The following FAM53A variants were observed in gnomAD, a reference collection of about 807,000 sequenced individuals.
FAM53A encodes the protein protein FAM53A.
A neutral mutation model predicts 26.6 loss-of-function variants in FAM53A; 28 were observed. The ratio of observed to expected loss-of-function variants is 1.05; its 90% confidence interval spans 0.78 to 1.45. FAM53A has a LOEUF of 1.45. Ranked by LOEUF, FAM53A falls within the 40% of genes most tolerant of loss-of-function variation. The probability of loss-of-function intolerance (pLI) is 0.00; values close to 1 mark genes in which losing one functional copy is unlikely to be tolerated. For synonymous variants in FAM53A, 290 were observed against 253.1 expected (o/e 1.15, Z -1.38); for missense variants, 650 against 575.8 (o/e 1.13, Z -1.32).
At chr4:1,582,986 T>C in the FAM53A span, among the ~76,000 whole-genome samples, 1 of 152,242 alleles carries the variant, frequency 6.6e-6, no homozygotes, top group Admixed American at 6.5e-5. Flanking sequence ...GACTCTTTCT[T>C]GGTCATGAGA....
chr4:1,657,730 C>T (rs1167653927), intron 2 of FAM53A, among the ~76,000 whole-genome samples: 4 of 152,096 alleles, frequency 2.6e-5, no homozygotes, highest in South Asian at 4.1e-4. Flanking sequence ...CTCCGCCTCT[C>T]GGGTTCACGC....
intron 2 of FAM53A, among the ~76,000 whole-genome samples, chr4:1,667,616 C>G (rs558473066): frequency 6.6e-6 from 1 of 152,332 alleles, no homozygotes; most frequent in Admixed American, 6.5e-5. Flanking sequence ...CCCTCAGACC[C>G]TCACTGGAAC....
At chr4:1,650,578 C>A (rs1482171410) in intron 4 of FAM53A, among the ~76,000 whole-genome samples, 2 of 152,094 alleles carry the variant, frequency 1.3e-5, no homozygotes, top group Non-Finnish European at 2.9e-5. Flanking sequence ...TTCACCGCAA[C>A]CTCCGCCTCC....
At chr4:1,621,195 C>T (rs1715016863) in intron 1 of FAM53A, among the ~76,000 whole-genome samples, 1 of 150,700 alleles carries the variant, frequency 6.6e-6, no homozygotes, top group Non-Finnish European at 1.5e-5. Context: ...CTCCGCCCCC[C>T]AGGGTTCATG....
intron 2 of FAM53A, among the ~76,000 whole-genome samples, chr4:1,658,467 C>T (rs928282850): frequency 2.6e-5 from 4 of 152,252 alleles, no homozygotes; most frequent in African/African-American, 9.6e-5. Context: ...AGCCAAGACC[C>T]AAGGGGCCCT....
downstream of FAM53A, among the ~76,000 whole-genome samples, chr4:1,616,842 A>G (rs1440639470): frequency 6.6e-6 from 1 of 152,194 alleles, no homozygotes; most frequent in Non-Finnish European, 1.5e-5. Context: ...GCTCAAATTA[A>G]GTTTCACTTA....
intron 4 of FAM53A, among the ~76,000 whole-genome samples, chr4:1,653,752 G>A (rs554271779): frequency 5.9e-5 from 9 of 152,368 alleles, no homozygotes; most frequent in Admixed American, 5.9e-4. Flanking sequence ...CTGATCAGAA[G>A]AGGCAAAGCT....
intron 1 of FAM53A, among the ~76,000 whole-genome samples, chr4:1,620,272 C>T (rs1714972380): frequency 6.6e-6 from 1 of 151,516 alleles, no homozygotes; most frequent in Non-Finnish European, 1.5e-5. Context: ...TCTTATTTCC[C>T]ATAACAGACC....
In FAM53A at chr4:1,627,830, CA is replaced by C. The variant is rs199516766; in HGVS notation, c.432-9720del. 7.6e-3 allele frequency among the ~76,000 whole-genome samples: 1,154 copies of C among 152,062 alleles called. 21 individuals carry two copies. Among genetic ancestry groups the C allele is most frequent in the African/African-American group, 0.026 (1,066 of 41,486 alleles). ...CAGGGCAGCCCCTCCAGAGGTCATG[CA>C]GGGGGCCTGGAGCTTGAGCCATGAG... On this transcript the variant is annotated intron_variant, in intron 1 of 1. Transcript: ENST00000489029.
At chr4:1,594,313 C>A in the FAM53A span, among the ~76,000 whole-genome samples, 1 of 152,188 alleles carries the variant, frequency 6.6e-6, no homozygotes, top group African/African-American at 2.4e-5. Context: ...GGGAGGGACC[C>A]AGCACCTGCC....
the FAM53A span, among the ~76,000 whole-genome samples, chr4:1,602,360 C>T: frequency 6.6e-6 from 1 of 152,232 alleles, no homozygotes; most frequent in South Asian, 2.1e-4. Context: ...CCGGTCTTGC[C>T]GTCAATTCCC....
At chr4:1,604,933 C>G in the FAM53A span, among the ~76,000 whole-genome samples, 2 of 152,140 alleles carry the variant, frequency 1.3e-5, no homozygotes, top group South Asian at 2.1e-4. Flanking sequence ...GCCCTGCCCC[C>G]CTCCTGCCCC....
At chr4:1,586,364 T>C in the FAM53A span, among the ~76,000 whole-genome samples, 1 of 151,946 alleles carries the variant, frequency 6.6e-6, no homozygotes, top group Non-Finnish European at 1.5e-5. Flanking sequence ...CAGCTAATTT[T>C]TTGTATTTTT....
chr4:1,649,199 A>AGGGGAG (rs1373782326), intron 4 of FAM53A, among the ~76,000 whole-genome samples: 1 of 142,884 alleles, frequency 7.0e-6, no homozygotes, highest in African/African-American at 2.6e-5. Context: ...GGGAAGGGGA[A>AGGGGAG]AGGGAAAGGG....
the FAM53A span, among the ~76,000 whole-genome samples, chr4:1,594,411 G>A: frequency 3.9e-5 from 6 of 152,290 alleles, no homozygotes; most frequent in East Asian, 1.2e-3. Context: ...AAAAAAGGAT[G>A]ATAGAGGCAC....
chr4:1,674,395 C>A (rs1399111246), intron 1 of FAM53A, among the ~76,000 whole-genome samples: 1 of 152,160 alleles, frequency 6.6e-6, no homozygotes, highest in Non-Finnish European at 1.5e-5. Flanking sequence ...TCTGGCCGGG[C>A]GCGGTGGCTC....
rs1441504340 is a variant in FAM53A, at chr4:1,625,566, C to T, written c.432-7455G>A. On this transcript the variant is annotated intron_variant, in intron 1 of 1. Coordinates refer to the FAM53A transcript ENST00000489029. ...TCAGAAGGCCCCACGTCCCGGCCCA[C>T]GTGGTCAGGGTCACGCCAGGTGATC... 6.9e-5 allele frequency among the ~76,000 whole-genome samples: 5 copies of T among 72,414 alleles called. No individual in the cohort carries two copies. In the East Asian group the frequency reaches 1.2e-3, roughly 17 times the overall value. 47.5% of individuals were successfully genotyped at this position (72,414 alleles called of 152,430 possible).
rs186022879 is a variant in FAM53A, at chr4:1,643,233, G to A, written c.883-1626C>T. ...TGTAATCCCAGCACTTTGGGAGGCCGGGGCGGGCGGATCACGAGGTCAGGA... is the reference window on the plus strand; with the variant it reads ...TGTAATCCCAGCACTTTGGGAGGCCAGGGCGGGCGGATCACGAGGTCAGGA... On this transcript the variant is annotated intron_variant, in intron 4 of 4. Coordinates refer to ENST00000308132, the MANE Select transcript of FAM53A (RefSeq NM_001174070.3). Among the ~76,000 whole-genome samples the A allele has an allele frequency of 2.8e-3, 422 of 152,254 alleles. 3 individuals carry two copies. The Middle Eastern group carries it at 0.031, about 11-fold the overall frequency.
At chr4:1,644,568 CT>C (rs1712069826) in intron 4 of FAM53A, 7 of 501,974 alleles carry the variant, frequency 1.4e-5, no homozygotes, top group South Asian at 4.1e-5. Flanking sequence ...CTCGCGCCCC[CT>C]GTCCCTGGGC....
Sources: allele counts gnomAD v4.1 joint callset (sites outside exome capture counted in the v4.1 genomes callset), GRCh38; gene constraint gnomAD v4.1.1; transcripts MANE v1.5; gene names NCBI Gene and HGNC (gene_info 2026-07-23, HGNC 2026-07-21).